Variants in SH3RF3 observed in about 807,000 individuals in gnomAD.
SH3RF3 encodes SH3 domain containing ring finger 3, also known as E3 ubiquitin-protein ligase SH3RF3.
Under a neutral mutation model 66.3 loss-of-function variants are expected in SH3RF3, and 29 were observed. The ratio of observed to expected loss-of-function variants is 0.44; its 90% CI spans 0.33 to 0.60. The LOEUF is 0.60. Ranked by LOEUF, SH3RF3 falls within the 20% of genes least tolerant of loss-of-function variation. The pLI is 0.04. For synonymous variants in SH3RF3, 583 were observed against 532.0 expected, an observed-to-expected ratio of 1.10 and a Z score of -1.32; for missense variants, 1,194 against 1,190.9, an observed-to-expected ratio of 1.00 and a Z score of -0.04.
At chr2:109,198,401 G>A (rs901620272) in intron 1 of SH3RF3, among the ~76,000 whole-genome samples, 1 of 152,232 alleles carries the variant, frequency 6.6e-6, no homozygotes, top group Non-Finnish European at 1.5e-5. Flanking sequence ...GGGTGTGTGC[G>A]AGAGGTAGAG....
rs1297592029 is a variant in SH3RF3 at position 109,503,002 on chromosome 2, G to A, written c.*1331G>A. 4 of 152,222 alleles carry A rather than the reference G, an allele frequency of 2.6e-5. No individual in the cohort carries two copies. Among genetic ancestry groups the A allele is most frequent in the East Asian group, 3.9e-4 (2 of 5,184 alleles). The allele number at this position is 152,222 out of a possible 1,614,324, so 9.4% of individuals were successfully genotyped here. ...ACCGCTGCAGGCTTGCAAGATCGGG[G>A]AGTTGGGAGGGCGAGAGAGGAGGAG... On this transcript the variant is annotated 3_prime_UTR_variant, in exon 10 of 10. Coordinates refer to ENST00000309415, the MANE Select transcript of SH3RF3 (RefSeq NM_001099289.3).
At chr2:109,240,535 G>C (rs973670071) in intron 1 of SH3RF3, among the ~76,000 whole-genome samples, 2 of 152,134 alleles carry the variant, frequency 1.3e-5, no homozygotes, top group African/African-American at 4.8e-5. Context: ...GGTTGGGCTT[G>C]ATGGTCCCTA....
At chr2:109,228,525 C>A (rs193236461) in intron 1 of SH3RF3, among the ~76,000 whole-genome samples, 12 of 152,254 alleles carry the variant, frequency 7.9e-5, no homozygotes, top group Admixed American at 3.9e-4. Flanking sequence ...CAGTTCTGAC[C>A]CCTTCCATGT....
chr2:109,200,449 G>A (rs2105066035), intron 1 of SH3RF3, among the ~76,000 whole-genome samples: 1 of 152,196 alleles, frequency 6.6e-6, no homozygotes, highest in South Asian at 2.1e-4. Flanking sequence ...TGGTCCCTGG[G>A]TATGGCTGTG....
intron 3 of SH3RF3, among the ~76,000 whole-genome samples, chr2:109,373,544 C>A (rs556524150): frequency 6.6e-6 from 1 of 152,230 alleles, no homozygotes; most frequent in East Asian, 1.9e-4. Flanking sequence ...TTGAAAGAAG[C>A]CAGACATAAA....
intron 2 of SH3RF3, 142 bp downstream of exon 2, chr2:109,348,091 C>A: frequency 8.6e-7 from 1 of 1,163,042 alleles, no homozygotes; most frequent in Non-Finnish European, 1.2e-6. Flanking sequence ...GGGCAAATGA[C>A]CCAGCCTCCC....
At position 109,432,534 on chromosome 2, in the gene SH3RF3, G is replaced by C; in HGVS notation, c.1437G>C (p.Lys479Asn). The C allele has an allele frequency of 6.2e-7, 1 of 1,613,730 alleles. No homozygotes were observed. Among genetic ancestry groups the C allele is most frequent in the Non-Finnish European group, 8.5e-7 (1 of 1,179,826 alleles). ...CGCTCTACGCCTACAAGCCCCAGAA[G>C]AGTGACGAGCTGGAGCTGCACAAGG... ...YLALYAYKPQ[K>N]SDELELHKGE... Residue 479 changes from lysine to asparagine, a missense_variant, in exon 6 of 10, where the codon AAG becomes AAC. Lys to Asn is a moderately conservative substitution (Grantham distance 94). Coordinates refer to ENST00000309415, the MANE Select transcript of SH3RF3 (RefSeq NM_001099289.3).
At chr2:109,142,591 T>C (rs924051051) in intron 1 of SH3RF3, among the ~76,000 whole-genome samples, 1 of 152,152 alleles carries the variant, frequency 6.6e-6, no homozygotes, top group Non-Finnish European at 1.5e-5. Context: ...ATTCTAGTCC[T>C]GTCACCAGAA....
At chr2:109,248,817 TTC>T (rs1030640902) in intron 1 of SH3RF3, among the ~76,000 whole-genome samples, 7 of 151,884 alleles carry the variant, frequency 4.6e-5, no homozygotes, top group African/African-American at 1.7e-4. Context: ...CTCTTTCGTT[TTC>T]TCTCTTTCTC....
chr2:109,181,203 T>C (rs1233315543), intron 1 of SH3RF3, among the ~76,000 whole-genome samples: 1 of 152,176 alleles, frequency 6.6e-6, no homozygotes, highest in East Asian at 1.9e-4. Context: ...TATTTGGGAA[T>C]GATCTTAGGT....
At chr2:109,330,797 C>G (rs1682265680) in intron 1 of SH3RF3, among the ~76,000 whole-genome samples, 1 of 152,090 alleles carries the variant, frequency 6.6e-6, no homozygotes, top group South Asian at 2.1e-4. Flanking sequence ...CCATCATTCC[C>G]CACACACTCC....
rs1355317042 is a variant in SH3RF3, at chr2:109,235,260, G to T, written c.573+105147G>T. ...AACCCTGAATAGTTCTGGGAGGACT[G>T]GTTGGTGGGCCAAGAATTCTCACTG... On this transcript the variant is annotated intron_variant, in intron 1 of 9. Coordinates refer to ENST00000309415, the MANE Select transcript of SH3RF3 (RefSeq NM_001099289.3). Among the ~76,000 whole-genome samples, 6 of 152,268 alleles carry T rather than the reference G, an allele frequency of 3.9e-5. No individual in the cohort carries two copies. In the East Asian group the frequency reaches 7.7e-4, roughly 20 times the overall value.
In SH3RF3 at chr2:109,352,824, C is replaced by T. The variant is rs1388392110; in HGVS notation, c.849+4875C>T. Among the ~76,000 whole-genome samples the T allele has an allele frequency of 1.3e-5, 2 of 152,254 alleles. 1 individual carries two copies. The highest frequency in any genetic ancestry group is 3.9e-4 in the East Asian group (2 of 5,188). ...GGGGAGCAGAGCACCCTCTTAGCCA[C>T]TACAGACCACCCTCGCCCAGCCCCT... is the stretch of plus-strand genomic sequence containing the variant. On this transcript the variant is annotated intron_variant, in intron 2 of 9. Coordinates refer to ENST00000309415, the MANE Select transcript of SH3RF3 (RefSeq NM_001099289.3).
rs376068358 is a variant in SH3RF3, at chr2:109,465,200, C to G, written c.2148+15711C>G. On this transcript the variant is annotated intron_variant, in intron 8 of 9. Transcript: ENST00000309415. Reference sequence around the variant, plus strand: ...AATATTCCATTGTCCAGATGTACCACAGTTTATTTATCCATTTACTTACCA... The same window carrying G: ...AATATTCCATTGTCCAGATGTACCAGAGTTTATTTATCCATTTACTTACCA... 1.2e-4 allele frequency among the ~76,000 whole-genome samples: 19 copies of G among 152,332 alleles called. No homozygotes were observed. In the South Asian group the frequency reaches 3.9e-3, roughly 32 times the overall value.
intron 1 of SH3RF3, among the ~76,000 whole-genome samples, chr2:109,191,934 G>C (rs2105025888): frequency 2.0e-5 from 3 of 152,196 alleles, no homozygotes; most frequent in Middle Eastern, 6.8e-3. Context: ...AAAAACAGTT[G>C]AAAGTGGTGC....
intron 1 of SH3RF3, among the ~76,000 whole-genome samples, chr2:109,322,702 G>A (rs1682054235): frequency 6.6e-6 from 1 of 152,174 alleles, no homozygotes; most frequent in Admixed American, 6.5e-5. Flanking sequence ...ACCCACATAA[G>A]TGATTTCTAA....
intron 1 of SH3RF3, among the ~76,000 whole-genome samples, chr2:109,179,180 TG>T (rs1678009749): frequency 6.6e-6 from 1 of 152,176 alleles, no homozygotes; most frequent in African/African-American, 2.4e-5. Flanking sequence ...ATACGTATCT[TG>T]CAGCTGCGTG....
chr2:109,362,880 T>C (rs1391373749), intron 2 of SH3RF3, among the ~76,000 whole-genome samples: 2 of 152,212 alleles, frequency 1.3e-5, no homozygotes, highest in East Asian at 1.9e-4. Context: ...GAAATTAATA[T>C]GGATATCTTT....
chr2:109,285,967 G>A (rs1446503895), intron 1 of SH3RF3, among the ~76,000 whole-genome samples: 1 of 152,148 alleles, frequency 6.6e-6, no homozygotes, highest in African/African-American at 2.4e-5. Context: ...GAGGGTCCAT[G>A]GCCTGCAGGA....
Sources: allele counts gnomAD v4.1 joint callset (sites outside exome capture counted in the v4.1 genomes callset), GRCh38; gene constraint gnomAD v4.1.1; transcripts MANE v1.5; gene names NCBI Gene and HGNC (gene_info 2026-07-23, HGNC 2026-07-21).